MEIOSIN: variants seen among roughly 807,000 people sequenced by gnomAD.
The protein encoded by MEIOSIN is meiosis initiator protein.
Under a neutral mutation model 23.4 loss-of-function variants are expected in MEIOSIN, and 18 were observed. The observed-to-expected ratio is 0.77, with a 90% CI of 0.53 to 1.14. The LOEUF (loss-of-function observed/expected upper bound fraction) is 1.14. Among genes scored for constraint, MEIOSIN ranks in the 50% most tolerant of loss-of-function variants. The probability of loss-of-function intolerance (pLI) is 0.00; values close to 1 mark genes in which losing one functional copy is unlikely to be tolerated. For synonymous variants in MEIOSIN, 187 were observed against 100.6 expected, an observed-to-expected ratio of 1.86 and a Z score of -5.14; for missense variants, 428 against 242.9, an observed-to-expected ratio of 1.76 and a Z score of -5.07.
At chr19:45,758,795 C>G (rs1427825797) in intron 9 of MEIOSIN, 83 bp from the exon 10 acceptor site, 2 of 651,476 alleles carry the variant, frequency 3.1e-6, no homozygotes, top group Non-Finnish European at 5.6e-6. Flanking sequence ...TAGCATCAGG[C>G]ACTATCTCCT....
intron 1 of MEIOSIN, among the ~76,000 whole-genome samples, chr19:45,734,159 T>A (rs1384133450): frequency 6.6e-6 from 1 of 152,056 alleles, no homozygotes; most frequent in Non-Finnish European, 1.5e-5. Context: ...GAGTCGCAGT[T>A]TGAGTCTTTA....
chr19:45,745,551 A>G (rs1287375154), intron 4 of MEIOSIN, among the ~76,000 whole-genome samples: 4 of 152,196 alleles, frequency 2.6e-5, no homozygotes, highest in African/African-American at 4.8e-5. Context: ...GGAAATAGAG[A>G]TAGCACAAAG....
chr19:45,741,302 G>A (rs1029427059), intron 3 of MEIOSIN, among the ~76,000 whole-genome samples: 2 of 151,596 alleles, frequency 1.3e-5, no homozygotes, highest in Admixed American at 6.6e-5. Flanking sequence ...AGCTGAGATC[G>A]CACCACTGTA....
intron 4 of MEIOSIN, among the ~76,000 whole-genome samples, 197 bp downstream of exon 4, chr19:45,745,518 G>A (rs1414645939): frequency 1.3e-5 from 2 of 152,098 alleles, no homozygotes; most frequent in African/African-American, 4.8e-5. Context: ...TTTTTGCAAA[G>A]GAGAGAGGAG....
intron 3 of MEIOSIN, among the ~76,000 whole-genome samples, chr19:45,740,128 G>A (rs982069922): frequency 6.6e-6 from 1 of 152,156 alleles, no homozygotes; most frequent in African/African-American, 2.4e-5. Context: ...GGATACAGGC[G>A]TGAGCCACTG....
rs1170220810 is a variant in MEIOSIN at position 45,753,679 on chromosome 19, A to T, written c.447A>T (p.Pro149=). The change falls in exon 6 of 15, where the codon CCA becomes CCT. Residue 149 remains proline (P), a synonymous_variant. Transcript: ENST00000457052. ...AGLGQKPAWG[P]ARRRRHSTPS... ...TGGGTCAGAAACCAGCCTGGGGCCCAGCCAGGCGGAGGAGACACTCTACCC... is the reference window on the plus strand; with the variant it reads ...TGGGTCAGAAACCAGCCTGGGGCCCTGCCAGGCGGAGGAGACACTCTACCC... 1.4e-6 allele frequency: 1 copy of T among 702,868 alleles called. No individual in the cohort carries two copies. 43.5% of individuals were successfully genotyped at this position (702,868 alleles called of 1,614,324 possible).
At position 45,757,660 on chromosome 19, in the gene MEIOSIN, A is replaced by G. The variant is rs542339888; in HGVS notation, c.1012+383A>G. 5.3e-5 allele frequency among the ~76,000 whole-genome samples: 8 copies of G among 152,186 alleles called. No individual in the cohort carries two copies. The East Asian group carries it at 1.5e-3, about 29-fold the overall frequency. ...CTCAGCCTCCCGAGTAGCTGGGATT[A>G]CAGGTGCCCACCACCATGCCCAGCT... On this transcript the variant is annotated intron_variant, in intron 9 of 14. Coordinates refer to ENST00000457052, the MANE Select transcript of MEIOSIN (RefSeq NM_001310124.2).
chr19:45,736,530 T>A (rs1370548674), intron 2 of MEIOSIN, among the ~76,000 whole-genome samples: 1 of 151,728 alleles, frequency 6.6e-6, no homozygotes, highest in Non-Finnish European at 1.5e-5. Flanking sequence ...GCTCAGCTAA[T>A]TTTTTTGTGT....
At chr19:45,737,116 G>A (rs1463764579) in intron 2 of MEIOSIN, among the ~76,000 whole-genome samples, 1 of 150,712 alleles carries the variant, frequency 6.6e-6, no homozygotes, top group Non-Finnish European at 1.5e-5. Context: ...TGATTCACCC[G>A]CCTCGGCCTC....
chr19:45,763,488 C>G (rs955950446), intron 14 of MEIOSIN, 61 bp downstream of exon 14: 1 of 398,496 alleles, frequency 2.5e-6, no homozygotes, highest in East Asian at 3.6e-5. Flanking sequence ...ACCCCGGAAC[C>G]CTGCTCTGTC....
At chr19:45,747,746 A>C (rs74328515) in intron 4 of MEIOSIN, among the ~76,000 whole-genome samples, 1 of 152,342 alleles carries the variant, frequency 6.6e-6, no homozygotes, top group African/African-American at 2.4e-5. Flanking sequence ...GAGAATGGTC[A>C]CATCGCCCAC....
At chr19:45,736,196 G>A (rs1021548053) in intron 2 of MEIOSIN, among the ~76,000 whole-genome samples, 1 of 152,148 alleles carries the variant, frequency 6.6e-6, no homozygotes, top group South Asian at 2.1e-4. Context: ...ACAGGCACAT[G>A]CCACCACACC....
rs143939918 is a variant in MEIOSIN at position 45,734,215 on chromosome 19, T to C, written c.-1+549T>C. Among the ~76,000 whole-genome samples the C allele has an allele frequency of 2.8e-3, 432 of 152,078 alleles. 3 individuals carry two copies. The highest frequency in any genetic ancestry group is 9.4e-3 in the African/African-American group (392 of 41,490). On this transcript the variant is annotated intron_variant, in intron 1 of 14. Coordinates refer to ENST00000457052, the MANE Select transcript of MEIOSIN (RefSeq NM_001310124.2). ...GAGTGCCCACATTGAGTATGGGAGC[T>C]CCAGTTTTAGGGTCTGGGGTTTCAG...
chr19:45,761,129 C>CTT (rs34796716), intron 11 of MEIOSIN, among the ~76,000 whole-genome samples: 3 of 138,912 alleles, frequency 2.2e-5, no homozygotes, highest in African/African-American at 8.1e-5. Context: ...AATTCAATTT[C>CTT]TTTTTTTTTT....
At chr19:45,755,435 C>T (rs1456717074) in intron 7 of MEIOSIN, among the ~76,000 whole-genome samples, 1 of 150,402 alleles carries the variant, frequency 6.6e-6, no homozygotes, top group Non-Finnish European at 1.5e-5. Flanking sequence ...AGGTGTGAGG[C>T]ACTGTGCCGG....
chr19:45,752,919 C>CTTT (rs11387482), intron 5 of MEIOSIN, among the ~76,000 whole-genome samples: 63 of 119,100 alleles, frequency 5.3e-4, no homozygotes, highest in East Asian at 7.4e-4. Flanking sequence ...GTTTCTTCTT[C>CTTT]TTTTTTTTTT....
chr19:45,741,638 G>T (rs1238851872), intron 3 of MEIOSIN, among the ~76,000 whole-genome samples: 1 of 151,820 alleles, frequency 6.6e-6, no homozygotes, highest in Admixed American at 6.6e-5. Flanking sequence ...TCTAGCCCAG[G>T]AGGTGGAGGT....
chr19:45,755,934 A>G (rs1272869792), intron 7 of MEIOSIN, 36 bp from the exon 8 acceptor site: 1 of 694,166 alleles, frequency 1.4e-6, no homozygotes, highest in Non-Finnish European at 2.6e-6. Context: ...AATTTGGTCC[A>G]GTCCCCAGGC....
intron 3 of MEIOSIN, among the ~76,000 whole-genome samples, chr19:45,744,502 T>C (rs900024945): frequency 6.6e-6 from 1 of 151,940 alleles, no homozygotes; most frequent in Non-Finnish European, 1.5e-5. Flanking sequence ...AGACGGAGTT[T>C]GTTTTGTTTT....
Sources: gnomAD v4.1 joint callset for allele counts (sites outside exome capture counted in the v4.1 genomes callset) on GRCh38, gnomAD v4.1.1 for gene constraint, MANE v1.5 for transcripts, NCBI Gene and HGNC (gene_info 2026-07-23, HGNC 2026-07-21) for gene names.